The following CEMIP2 variants were observed in gnomAD, a reference collection of about 807,000 sequenced individuals.
CEMIP2 encodes cell surface hyaluronidase CEMIP2.
CEMIP2 carries 79 observed loss-of-function variants against 146.9 expected under a neutral mutation model. The observed-to-expected ratio is 0.54, with a 90% confidence interval of 0.45 to 0.65. CEMIP2 has a LOEUF of 0.65. CEMIP2 is among the 30% of genes least tolerant of loss of function. The pLI, the probability that CEMIP2 is intolerant of heterozygous loss-of-function variation, is 0.00. For missense variants in CEMIP2, 1,596 were observed against 1,696.2 expected, an observed-to-expected ratio of 0.94 and a Z score of 1.04; for synonymous variants, 601 against 606.3, an observed-to-expected ratio of 0.99 and a Z score of 0.13.
At position 71,700,587 on chromosome 9, in the gene CEMIP2, T is replaced by C. The variant is rs995834517; in HGVS notation, c.3377+55A>G. 6 of 1,519,666 alleles carry C rather than the reference T, an allele frequency of 3.9e-6. No homozygotes were observed. The South Asian group carries it at 7.9e-5, about 20-fold the overall frequency. The allele number at this position is 1,519,666 out of a possible 1,614,324, so 94.1% of individuals were successfully genotyped here. On this transcript the variant is annotated intron_variant, in intron 19 of 23. Transcript: ENST00000377044. ...GCCGCGATGCTGAAGAACTAGCAAT[T>C]TCACCATTAAAGAAAAATAGGAATA...
At chr9:71,692,978 T>C (rs144328624) in intron 21 of CEMIP2, among the ~76,000 whole-genome samples, 187 of 152,080 alleles carry the variant, frequency 1.2e-3, no homozygotes, top group African/African-American at 4.1e-3. Flanking sequence ...ATAGGGATAG[T>C]CTTAATTCAG....
At chr9:71,720,936 C>T (rs1823215320) in intron 12 of CEMIP2, among the ~76,000 whole-genome samples, 1 of 152,058 alleles carries the variant, frequency 6.6e-6, no homozygotes, top group South Asian at 2.1e-4. Flanking sequence ...CACATACACA[C>T]ACCTAGTAAG....
At chr9:71,756,356 T>C (rs903533183) in intron 1 of CEMIP2, among the ~76,000 whole-genome samples, 24 of 151,344 alleles carry the variant, frequency 1.6e-4, no homozygotes, top group African/African-American at 5.8e-4. Context: ...TGTATATACA[T>C]ACATGTAGTT....
rs575530019 is a variant in CEMIP2, at chr9:71,758,331, A to T, written c.-12-7946T>A. On this transcript the variant is annotated intron_variant, in intron 1 of 23. Coordinates refer to ENST00000377044, the MANE Select transcript of CEMIP2 (RefSeq NM_013390.3). ...GTTCACTGAAAAATCAACTCACAAA[A>T]GCCAGATCAACAGGGGAAAAGACAC... Among the ~76,000 whole-genome samples, 8 of 152,320 alleles carry T rather than the reference A, an allele frequency of 5.3e-5. No homozygotes were observed. In the East Asian group the frequency reaches 1.5e-3, roughly 29 times the overall value.
At chr9:71,747,126 T>C (rs551004579) in intron 2 of CEMIP2, among the ~76,000 whole-genome samples, 14 of 152,208 alleles carry the variant, frequency 9.2e-5, no homozygotes, top group Non-Finnish European at 1.8e-4. Flanking sequence ...AGCTATTTAA[T>C]GTATGAAAAC....
In CEMIP2 at chr9:71,684,565, C is replaced by A. The variant is rs1410226764; in HGVS notation, c.*632G>T. The A allele has an allele frequency of 6.6e-6, 1 of 152,590 alleles. No individual in the cohort carries two copies. Among genetic ancestry groups the A allele is most frequent in the African/African-American group, 2.4e-5 (1 of 41,442 alleles). 9.5% of individuals were successfully genotyped at this position (152,590 alleles called of 1,614,324 possible). A position where few individuals can be genotyped will look rare whatever the true frequency, so the allele number is the denominator to read the frequency against. On this transcript the variant is annotated 3_prime_UTR_variant, in exon 24 of 24. Transcript: ENST00000377044. ...AAAGGGATATCTAATCCCCAAGAGC[C>A]CTTTTGTCCCAATATACTTCCTGTT...
chr9:71,749,809 ACCTC>A (rs1477911785), intron 2 of CEMIP2, among the ~76,000 whole-genome samples: 2 of 152,106 alleles, frequency 1.3e-5, no homozygotes, highest in Non-Finnish European at 2.9e-5. Context: ...GTACTCCAAG[ACCTC>A]CCTGAGTGCT....
intron 18 of CEMIP2, among the ~76,000 whole-genome samples, chr9:71,701,160 C>G (rs1422162962): frequency 3.3e-5 from 5 of 152,134 alleles, no homozygotes; most frequent in Non-Finnish European, 5.9e-5. Context: ...GGCTGGAGTG[C>G]AGTGGCGCGA....
chr9:71,692,823 G>A (rs1255226934), intron 21 of CEMIP2, among the ~76,000 whole-genome samples: 1 of 152,094 alleles, frequency 6.6e-6, no homozygotes, highest in African/African-American at 2.4e-5. Context: ...GATCAATTTA[G>A]CCTGGGAGGT....
intron 1 of CEMIP2, among the ~76,000 whole-genome samples, chr9:71,750,914 T>C (rs2132021303): frequency 6.6e-6 from 1 of 152,100 alleles, no homozygotes; most frequent in South Asian, 2.1e-4. Flanking sequence ...GATTGGCTAA[T>C]TTTTAAATTT....
At chr9:71,734,667 ACTG>A in intron 6 of CEMIP2, 136 bp downstream of exon 6, 2 of 662,968 alleles carry the variant, frequency 3.0e-6, no homozygotes, top group African/African-American at 3.6e-5. Context: ...GATGCACTCC[ACTG>A]CTATGACTTT....
chr9:71,745,990 C>T lies in CEMIP2; in HGVS notation c.472+211G>A, dbSNP rs139665660. 2.0e-4 allele frequency among the ~76,000 whole-genome samples: 30 copies of T among 152,260 alleles called. No homozygotes were observed. The East Asian group carries it at 5.8e-3, about 29-fold the overall frequency. On this transcript the variant is annotated intron_variant, in intron 3 of 23. Transcript: ENST00000377044. The stretch of plus-strand genomic sequence containing the variant: ...ATCAGGGGTCTTGATTTGAGTGATA[C>T]CTAAGGTCTAAGCTCTTAAATTCTA...
At chr9:71,720,728 T>C (rs1823209766) in intron 12 of CEMIP2, among the ~76,000 whole-genome samples, 1 of 152,226 alleles carries the variant, frequency 6.6e-6, no homozygotes, top group South Asian at 2.1e-4. Context: ...CATGTCTAAA[T>C]TGCATGAATA....
chr9:71,716,443 G>A, intron 14 of CEMIP2, 74 bp downstream of exon 14: 1 of 1,209,252 alleles, frequency 8.3e-7, no homozygotes, highest in Admixed American at 2.2e-5. Flanking sequence ...ACATTCCTGT[G>A]TATTATCAGA....
intron 12 of CEMIP2, among the ~76,000 whole-genome samples, chr9:71,718,761 G>A (rs1823144671): frequency 6.6e-6 from 1 of 152,006 alleles, no homozygotes; most frequent in Non-Finnish European, 1.5e-5. Context: ...ATTTTTAGCA[G>A]AGACAAGGTC....
rs1017635029 is a variant in CEMIP2 at position 71,705,828 on chromosome 9, T to C, written c.2986-1025A>G. ...GTGTATGTGTGTGTGTATATATATATAGGAGGCTGTACATACACTGCATAT... is the reference window on the plus strand; with the variant it reads ...GTGTATGTGTGTGTGTATATATATACAGGAGGCTGTACATACACTGCATAT... On this transcript the variant is annotated intron_variant, in intron 17 of 23. Coordinates refer to ENST00000377044, the MANE Select transcript of CEMIP2 (RefSeq NM_013390.3). Among the ~76,000 whole-genome samples, 10 of 151,888 alleles carry C rather than the reference T, an allele frequency of 6.6e-5. 1 individual carries two copies. The highest frequency in any genetic ancestry group is 3.9e-4 in the East Asian group (2 of 5,182).
At position 71,734,841 on chromosome 9, in the gene CEMIP2, C is replaced by G; in HGVS notation, c.1358G>C (p.Cys453Ser). ...YQAEEFTLLP[C>S]SECSHFQVKV... is the part of the protein sequence containing the mutation. The stretch of plus-strand genomic sequence containing the variant: ...GACCTGAAAATGGCTGCATTCAGAA[C>G]AGGGAAGAAGAGTGAACTCCTCTGC... Residue 453 changes from cysteine to serine, a missense_variant, in exon 6 of 24, where the codon TGT (cysteine) becomes TCT (serine). Cys to Ser is a moderately radical substitution (Grantham distance 112). Coordinates refer to ENST00000377044, the MANE Select transcript of CEMIP2 (RefSeq NM_013390.3). 6.2e-7 allele frequency: 1 copy of G among 1,612,928 alleles called. No individual in the cohort carries two copies. The highest frequency in any genetic ancestry group is 8.5e-7 in the Non-Finnish European group (1 of 1,179,498).
At chr9:71,697,336 C>A (rs552566390) in intron 20 of CEMIP2, among the ~76,000 whole-genome samples, 3 of 152,262 alleles carry the variant, frequency 2.0e-5, no homozygotes, top group Admixed American at 6.5e-5. Flanking sequence ...TCTGTATGCC[C>A]AATTTTAGTT....
intron 19 of CEMIP2, among the ~76,000 whole-genome samples, chr9:71,699,005 A>G (rs924606453): frequency 6.7e-6 from 1 of 148,316 alleles, no homozygotes; most frequent in Non-Finnish European, 1.5e-5. Flanking sequence ...CTCAAATGGC[A>G]CACTGAGTAT....
Sources: allele counts gnomAD v4.1 joint callset (sites outside exome capture counted in the v4.1 genomes callset), GRCh38; gene constraint gnomAD v4.1.1; transcripts MANE v1.5; gene names NCBI Gene and HGNC (gene_info 2026-07-23, HGNC 2026-07-21).